Variants in LARGE1 observed in about 807,000 individuals in gnomAD.
LARGE1 encodes the protein LARGE xylosyl- and glucuronyltransferase 1.
LARGE1 carries 43 observed loss-of-function variants against 87.6 expected under a neutral mutation model. That is an observed-to-expected ratio of 0.49 (90% CI 0.38 to 0.63). The LOEUF is 0.63. Ranked by LOEUF, LARGE1 falls within the 30% of genes least tolerant of loss-of-function variation. The pLI is 0.00. For missense variants in LARGE1, 802 were observed against 1,000.2 expected (o/e 0.80, Z 2.67); for synonymous variants, 434 against 394.6 (o/e 1.10, Z -1.18).
the LARGE1 span, among the ~76,000 whole-genome samples, chr22:33,079,221 C>CT: frequency 0.1 from 8,853 of 85,798 alleles, 915 homozygotes; most frequent in African/African-American, 0.17. Context: ...AGTTATCATT[C>CT]TTTTTTTTTT....
intron 1 of LARGE1, among the ~76,000 whole-genome samples, chr22:33,769,486 A>G (rs1303463315): frequency 2.6e-5 from 4 of 152,202 alleles, no homozygotes; most frequent in Non-Finnish European, 5.9e-5. Flanking sequence ...AAGCTAATCA[A>G]TAAATATTTA....
chr22:33,830,286 A>G (rs1034232147), intron 1 of LARGE1, among the ~76,000 whole-genome samples: 1 of 152,206 alleles, frequency 6.6e-6, no homozygotes, highest in Non-Finnish European at 1.5e-5. Flanking sequence ...TGATTATAAC[A>G]TAAAACTTAG....
At chr22:33,658,577 T>C (rs1750192803) in intron 2 of LARGE1, among the ~76,000 whole-genome samples, 1 of 152,228 alleles carries the variant, frequency 6.6e-6, no homozygotes, top group African/African-American at 2.4e-5. Flanking sequence ...CTGAGGATAA[T>C]GGCTTCCAGC....
chr22:33,556,111 C>T (rs1412014212), intron 6 of LARGE1, among the ~76,000 whole-genome samples: 1 of 152,082 alleles, frequency 6.6e-6, no homozygotes, highest in Non-Finnish European at 1.5e-5. Context: ...ACTTCCCTCA[C>T]TAGCAATGCT....
intron 4 of LARGE1, among the ~76,000 whole-genome samples, chr22:33,618,472 T>C (rs952857100): frequency 2.0e-5 from 3 of 152,188 alleles, no homozygotes; most frequent in African/African-American, 4.8e-5. Context: ...TCAAATACAA[T>C]AGCCCATGTG....
rs563537831 is a variant in LARGE1, at chr22:33,720,626, C to A, written c.106+40745G>T. Among the ~76,000 whole-genome samples, 7 of 152,344 alleles carry A rather than the reference C, an allele frequency of 4.6e-5. 1 individual carries two copies. Among genetic ancestry groups the A allele is most frequent in the African/African-American group, 1.4e-4 (6 of 41,576 alleles). On this transcript the variant is annotated intron_variant, in intron 2 of 14. Transcript: ENST00000397394. ...TCTTTACTGAGAGTGACTGCACCAG[C>A]ACACACTTGAGGTCCAAGTCCCAGA...
At chr22:33,361,220 T>TA (rs1411226811) in intron 9 of LARGE1, among the ~76,000 whole-genome samples, 8 of 148,600 alleles carry the variant, frequency 5.4e-5, no homozygotes, top group South Asian at 2.2e-4. Context: ...AAAATAATAA[T>TA]AATAAATAAA....
intron 5 of LARGE1, among the ~76,000 whole-genome samples, chr22:33,569,987 GTTCATGA>G (rs2078146319): frequency 6.6e-6 from 1 of 152,224 alleles, no homozygotes; most frequent in Non-Finnish European, 1.5e-5. Context: ...GAGCAGAAGT[GTTCATGA>G]TTGCTAAAAT....
intron 6 of LARGE1, among the ~76,000 whole-genome samples, chr22:33,512,752 G>A (rs988307676): frequency 6.6e-6 from 1 of 152,162 alleles, no homozygotes; most frequent in South Asian, 2.1e-4. Flanking sequence ...GCAGTGAGCA[G>A]AGATTACACC....
chr22:33,309,560 C>A (rs60467332), intron 11 of LARGE1, among the ~76,000 whole-genome samples: 12,452 of 152,276 alleles, frequency 0.082, 629 homozygotes, highest in African/African-American at 0.14. Context: ...CAGGAAGTGC[C>A]CCCTCGCCAG....
chr22:33,596,751 C>G (rs1569300316), intron 5 of LARGE1, among the ~76,000 whole-genome samples: 1 of 152,180 alleles, frequency 6.6e-6, no homozygotes, highest in African/African-American at 2.4e-5. Context: ...ATATGAAAGG[C>G]AGCCACATTA....
chr22:33,922,349 ACT>A (rs1436507404), upstream of LARGE1: 1 of 151,628 alleles, frequency 6.6e-6, no homozygotes, highest in Non-Finnish European at 1.5e-5. Flanking sequence ...CGGTAACCAC[ACT>A]CTCGGCCTTT....
chr22:33,755,805 GTT>G (rs1411011054), intron 2 of LARGE1, among the ~76,000 whole-genome samples: 1 of 152,216 alleles, frequency 6.6e-6, no homozygotes, highest in Non-Finnish European at 1.5e-5. Context: ...CGAGTGCTCA[GTT>G]AGACACTGGG....
the LARGE1 span, among the ~76,000 whole-genome samples, chr22:33,081,128 G>A: frequency 1.3e-5 from 2 of 152,210 alleles, no homozygotes; most frequent in Admixed American, 1.3e-4. Context: ...TCTTTGCCAT[G>A]TGACAGCATA....
chr22:33,890,799 C>T (rs189571497), intron 1 of LARGE1, among the ~76,000 whole-genome samples: 430 of 45,442 alleles, frequency 9.5e-3, no homozygotes, highest in Non-Finnish European at 0.012. Flanking sequence ...GGGGTGGGGG[C>T]GGGGGGGTGC....
chr22:33,307,856 C>T (rs913887278), intron 11 of LARGE1, among the ~76,000 whole-genome samples: 1 of 151,754 alleles, frequency 6.6e-6, no homozygotes, highest in African/African-American at 2.4e-5. Context: ...GCAACCTCTA[C>T]CTCCTAGGTT....
intron 12 of LARGE1, among the ~76,000 whole-genome samples, chr22:33,286,293 G>T (rs755411759): frequency 3.9e-5 from 6 of 152,172 alleles, no homozygotes; most frequent in Non-Finnish European, 7.3e-5. Flanking sequence ...TATTGGATAG[G>T]GGCAGAGCTA....
chr22:33,662,076 CAAAA>C (rs34470280), intron 2 of LARGE1, among the ~76,000 whole-genome samples: 2 of 54,902 alleles, frequency 3.6e-5, no homozygotes, highest in African/African-American at 1.4e-4. Context: ...GCTTAGGAGC[CAAAA>C]AAAAAAAAAA....
At chr22:33,310,908 T>C (rs1935506255) in intron 11 of LARGE1, among the ~76,000 whole-genome samples, 1 of 152,108 alleles carries the variant, frequency 6.6e-6, no homozygotes, top group African/African-American at 2.4e-5. Flanking sequence ...TGTCCATGCT[T>C]TGAAGGGAAG....
Sources: gnomAD v4.1 joint callset for allele counts (sites outside exome capture counted in the v4.1 genomes callset) on GRCh38, gnomAD v4.1.1 for gene constraint, MANE v1.5 for transcripts, NCBI Gene and HGNC (gene_info 2026-07-23, HGNC 2026-07-21) for gene names.